Variants in MAST4 observed in about 807,000 individuals in gnomAD.
MAST4 encodes microtubule-associated serine/threonine-protein kinase 4.
MAST4 carries 89 observed loss-of-function variants against 162.7 expected under a neutral mutation model. The observed-to-expected ratio is 0.55, with a 90% CI of 0.46 to 0.65. The LOEUF (loss-of-function observed/expected upper bound fraction) is 0.65. MAST4 is among the 30% of genes least tolerant of loss of function. The pLI is 0.00. For synonymous variants in MAST4, 1,479 were observed against 1,361.1 expected, an observed-to-expected ratio of 1.09 and a Z score of -1.91; for missense variants, 3,153 against 3,374.0, an observed-to-expected ratio of 0.93 and a Z score of 1.62.
chr5:66,825,426 C>A (rs979782572), intron 3 of MAST4, among the ~76,000 whole-genome samples: 29 of 152,116 alleles, frequency 1.9e-4, no homozygotes, highest in African/African-American at 6.5e-4. Context: ...CCATCATTGG[C>A]TGAAATGTCA....
At chr5:66,680,531 T>A (rs1472955600) in intron 1 of MAST4, among the ~76,000 whole-genome samples, 1 of 152,174 alleles carries the variant, frequency 6.6e-6, no homozygotes, top group African/African-American at 2.4e-5. Context: ...ACCACAGATC[T>A]TATTTTAGGG....
intron 2 of MAST4, among the ~76,000 whole-genome samples, chr5:66,769,006 G>A (rs1221880644): frequency 6.6e-6 from 1 of 152,112 alleles, no homozygotes; most frequent in African/African-American, 2.4e-5. Flanking sequence ...ATTGAGAAGA[G>A]AAGGAGATAT....
rs562954454 is a variant in MAST4, at chr5:66,682,744, A to T, written c.364-76965A>T. 2.6e-5 allele frequency among the ~76,000 whole-genome samples: 4 copies of T among 152,120 alleles called. No homozygotes were observed. In the East Asian group the frequency reaches 7.7e-4, roughly 29 times the overall value. Reference sequence around the variant, plus strand: ...ACTGCATAAGTAAGTGAAGCAGACCATTTTTTTTCCCCTTAAGAAAAAGAG... The same window carrying T: ...ACTGCATAAGTAAGTGAAGCAGACCTTTTTTTTTCCCCTTAAGAAAAAGAG... On this transcript the variant is annotated intron_variant, in intron 1 of 28. Coordinates refer to ENST00000403625, the MANE Select transcript of MAST4 (RefSeq NM_001164664.2).
intron 4 of MAST4, among the ~76,000 whole-genome samples, chr5:66,997,197 TTATA>T (rs1453645464): frequency 6.6e-6 from 1 of 152,002 alleles, no homozygotes; most frequent in South Asian, 2.1e-4. Context: ...ACACATACAT[TTATA>T]TATGTGTTTG....
chr5:66,876,729 C>T (rs1360052063), intron 3 of MAST4, among the ~76,000 whole-genome samples: 2 of 152,100 alleles, frequency 1.3e-5, no homozygotes, highest in Non-Finnish European at 2.9e-5. Flanking sequence ...CTAAAGAGGG[C>T]ATGTTTGTAT....
intron 1 of MAST4, among the ~76,000 whole-genome samples, chr5:66,735,849 A>G (rs1018428974): frequency 2.6e-5 from 4 of 152,182 alleles, no homozygotes; most frequent in Admixed American, 6.5e-5. Flanking sequence ...TGCTTTTGAA[A>G]TGGAATTGGA....
chr5:66,741,345 G>A (rs1205147515), intron 1 of MAST4, among the ~76,000 whole-genome samples: 2 of 152,156 alleles, frequency 1.3e-5, no homozygotes, highest in Non-Finnish European at 2.9e-5. Flanking sequence ...CTGCACAGTG[G>A]CCAAACCACA....
intron 1 of MAST4, among the ~76,000 whole-genome samples, chr5:66,700,101 T>A (rs1049193374): frequency 1.3e-5 from 2 of 152,228 alleles, no homozygotes; most frequent in Non-Finnish European, 2.9e-5. Flanking sequence ...TTTGCCTCTA[T>A]TTCCCTCCCC....
At chr5:66,689,681 T>C (rs1748912819) in intron 1 of MAST4, among the ~76,000 whole-genome samples, 1 of 152,190 alleles carries the variant, frequency 6.6e-6, no homozygotes, top group Non-Finnish European at 1.5e-5. Flanking sequence ...TTAGAGTTTG[T>C]CTGTCCCCAG....
At position 67,166,953 on chromosome 5, in the gene MAST4, G is replaced by C; in HGVS notation, c.7774G>C (p.Asp2592His). The C allele has an allele frequency of 6.2e-7, 1 of 1,612,414 alleles. No homozygotes were observed. The highest frequency in any genetic ancestry group is 8.5e-7 in the Non-Finnish European group (1 of 1,179,652). ...CAAGCCATCCCCAGCCCCAAACACT[G>C]ACCGCCCCATCTCTCTTTCTAATGA... ...VTKPSPAPNT[D>H]RPISLSNEKD... The change falls in exon 29 of 29, where the codon GAC becomes CAC. Residue 2592 changes from aspartate to histidine, a missense_variant. This residue lies in a region of MAST4 where 1,644 missense variants were observed against 1,495.0 expected (regional missense o/e 1.10). Coordinates refer to ENST00000403625, the MANE Select transcript of MAST4 (RefSeq NM_001164664.2).
At chr5:67,084,744 T>TC (rs1238681428) in intron 5 of MAST4, among the ~76,000 whole-genome samples, 4 of 152,196 alleles carry the variant, frequency 2.6e-5, no homozygotes, top group Non-Finnish European at 5.9e-5. Context: ...ATGATCATTA[T>TC]CCAAACTTTA....
chr5:66,686,784 T>C (rs1748688600), intron 1 of MAST4, among the ~76,000 whole-genome samples: 1 of 152,202 alleles, frequency 6.6e-6, no homozygotes, highest in Non-Finnish European at 1.5e-5. Context: ...TAAGAGTTTG[T>C]GAGCTCAGAG....
chr5:66,713,867 C>A (rs1750650740), intron 1 of MAST4, among the ~76,000 whole-genome samples: 1 of 152,104 alleles, frequency 6.6e-6, no homozygotes, highest in East Asian at 1.9e-4. Context: ...TTATTTTTTT[C>A]ATGATGGTCT....
intron 4 of MAST4, among the ~76,000 whole-genome samples, chr5:66,963,149 T>C (rs1048553928): frequency 4.6e-5 from 7 of 152,202 alleles, no homozygotes; most frequent in Admixed American, 3.9e-4. Flanking sequence ...TATAACTACA[T>C]GTAATAATTT....
intron 1 of MAST4, among the ~76,000 whole-genome samples, chr5:66,629,350 A>G (rs965869417): frequency 3.9e-5 from 6 of 152,198 alleles, no homozygotes; most frequent in African/African-American, 1.4e-4. Context: ...GGAGATCTAC[A>G]TTTAATACCT....
chr5:66,943,105 G>A (rs540742842), intron 4 of MAST4, among the ~76,000 whole-genome samples: 2 of 152,170 alleles, frequency 1.3e-5, no homozygotes, highest in South Asian at 2.1e-4. Context: ...ATCATATTGG[G>A]GGGTAGGATT....
At chr5:66,935,762 G>A (rs1249146314) in intron 4 of MAST4, among the ~76,000 whole-genome samples, 1 of 151,660 alleles carries the variant, frequency 6.6e-6, no homozygotes, top group Non-Finnish European at 1.5e-5. Flanking sequence ...CCGCCTCCCG[G>A]GTTCAAGCAA....
intron 4 of MAST4, among the ~76,000 whole-genome samples, chr5:66,972,849 C>T (rs1322207517): frequency 6.6e-6 from 1 of 152,220 alleles, no homozygotes; most frequent in Non-Finnish European, 1.5e-5. Flanking sequence ...CACTCATTCC[C>T]TCTAGCCTCA....
intron 2 of MAST4, among the ~76,000 whole-genome samples, chr5:66,786,094 C>T (rs750404622): frequency 6.6e-6 from 1 of 152,132 alleles, no homozygotes. Flanking sequence ...GTCTTGAACA[C>T]TTAGGCTCGA....
Sources: allele counts gnomAD v4.1 joint callset (sites outside exome capture counted in the v4.1 genomes callset), GRCh38; gene constraint gnomAD v4.1.1; regional missense constraint gnomAD v4.1.1; transcripts MANE v1.5; gene names NCBI Gene and HGNC (gene_info 2026-07-23, HGNC 2026-07-21).